RPGRIP1L: variants seen among roughly 807,000 people sequenced by gnomAD.
RPGRIP1L encodes the protein protein fantom.
A neutral mutation model predicts 160.4 loss-of-function variants in RPGRIP1L; 131 were observed. That is an observed-to-expected ratio of 0.82 (90% CI 0.71 to 0.94). RPGRIP1L has a LOEUF of 0.94. Ranked by LOEUF, RPGRIP1L falls within the 40% of genes least tolerant of loss-of-function variation. RPGRIP1L has a pLI of 0.00. For missense variants in RPGRIP1L, 1,522 were observed against 1,535.8 expected (o/e 0.99, Z 0.15); for synonymous variants, 510 against 515.8 (o/e 0.99, Z 0.15).
intron 2 of RPGRIP1L, among the ~76,000 whole-genome samples, chr16:53,700,155 AACT>A (rs1247150829): frequency 6.6e-6 from 1 of 152,238 alleles, no homozygotes; most frequent in Non-Finnish European, 1.5e-5. Flanking sequence ...GCTCTACAGC[AACT>A]ACTAAGTGAT....
intron 14 of RPGRIP1L, chr16:53,653,337 C>T (rs1966955540): frequency 1.8e-6 from 2 of 1,091,632 alleles, no homozygotes; most frequent in Non-Finnish European, 2.2e-6. Flanking sequence ...TGTCTTCACT[C>T]CTATAAAGTC....
At chr16:53,615,177 C>T (rs557277599) in intron 24 of RPGRIP1L, among the ~76,000 whole-genome samples, 61 of 152,246 alleles carry the variant, frequency 4.0e-4, no homozygotes, top group Non-Finnish European at 8.5e-4. Flanking sequence ...TCCCTAGAGG[C>T]TAAGGGTCCA....
In RPGRIP1L at chr16:53,700,285, T is replaced by G. The variant is rs529432142; in HGVS notation, c.85+354A>C. On this transcript the variant is annotated intron_variant, in intron 2 of 26. Coordinates refer to ENST00000647211, the MANE Select transcript of RPGRIP1L (RefSeq NM_015272.5). ...ATACGGCCTTTCCTCCCATATAAAA[T>G]TTAAACACAAAGAAATGTTTTAACA... Among the ~76,000 whole-genome samples, 3 of 152,318 alleles carry G rather than the reference T, an allele frequency of 2.0e-5. No individual in the cohort carries two copies. The South Asian group carries it at 6.2e-4, about 32-fold the overall frequency.
At chr16:53,641,992 T>G (rs1357367412) in intron 17 of RPGRIP1L, among the ~76,000 whole-genome samples, 2 of 152,062 alleles carry the variant, frequency 1.3e-5, no homozygotes, top group Non-Finnish European at 2.9e-5. Flanking sequence ...AAATATATTT[T>G]GTTGGGATTT....
rs1970696769 is a variant in RPGRIP1L at position 53,695,628 on chromosome 16, A to G, written c.230+523T>C. ...GCCAAGATTTTTTGCACATAAATCA[A>G]AAGTGACAATACTGTTTCTTCAGAA... On this transcript the variant is annotated intron_variant, in intron 3 of 26. Coordinates refer to ENST00000647211, the MANE Select transcript of RPGRIP1L (RefSeq NM_015272.5). The G allele has an allele frequency of 4.5e-5, 26 of 581,102 alleles. No homozygotes were observed. The South Asian group carries it at 5.0e-4, about 11-fold the overall frequency. The allele number at this position is 581,102 out of a possible 1,614,324, so 36.0% of individuals were successfully genotyped here.
At chr16:53,687,481 A>G (rs1038952050) in intron 5 of RPGRIP1L, among the ~76,000 whole-genome samples, 1 of 152,084 alleles carries the variant, frequency 6.6e-6, no homozygotes, top group East Asian at 1.9e-4. Flanking sequence ...CCACTCCCCA[A>G]TTCTTTATTT....
At chr16:53,603,142 C>T (rs12444460) in intron 26 of RPGRIP1L, among the ~76,000 whole-genome samples, 7,761 of 152,224 alleles carry the variant, frequency 0.051, 398 homozygotes, top group East Asian at 0.3. Context: ...CACCCAGCCC[C>T]GAAGGTAGAC....
chr16:53,682,554 G>A (rs1969687356), intron 6 of RPGRIP1L, among the ~76,000 whole-genome samples: 1 of 151,598 alleles, frequency 6.6e-6, no homozygotes, highest in Non-Finnish European at 1.5e-5. Context: ...GGCCAATACA[G>A]TGTCCACCTT....
At chr16:53,626,121 C>T in intron 22 of RPGRIP1L, among the ~76,000 whole-genome samples, 1 of 52,914 alleles carries the variant, frequency 1.9e-5, no homozygotes, top group East Asian at 5.2e-4. Flanking sequence ...CTCCGAGAAA[C>T]AACCAAGAAT....
chr16:53,690,314 G>T (rs1276348218), intron 4 of RPGRIP1L, among the ~76,000 whole-genome samples: 1 of 151,788 alleles, frequency 6.6e-6, no homozygotes. Flanking sequence ...CTCCTGCCTC[G>T]GCTTCCCAAG....
rs574635809 is a variant in RPGRIP1L at position 53,648,950 on chromosome 16, C to G, written c.2304+14G>C. Reference sequence around the variant, plus strand: ...TCTATGTCATAAAAGGGTCTTAAAGCCAAATGAGCTTACCGACTGCATATG... The same window carrying G: ...TCTATGTCATAAAAGGGTCTTAAAGGCAAATGAGCTTACCGACTGCATATG... On this transcript the variant is annotated intron_variant, in intron 16 of 26. Transcript: ENST00000647211. 2.5e-5 allele frequency: 41 copies of G among 1,611,702 alleles called. No homozygotes were observed. Among genetic ancestry groups the G allele is most frequent in the Non-Finnish European group, 3.4e-5 (40 of 1,178,012 alleles).
rs143990876 is a variant in RPGRIP1L, at chr16:53,681,765, G to A, written c.776+4668C>T. 6.5e-3 allele frequency among the ~76,000 whole-genome samples: 995 copies of A among 152,294 alleles called. 15 individuals are homozygous for A. Among genetic ancestry groups the A allele is most frequent in the African/African-American group, 0.022 (908 of 41,558 alleles). On this transcript the variant is annotated intron_variant, in intron 6 of 26. Transcript: ENST00000647211. ...GTCTATTAAACACATACTATGAAGAGTTTCTGTAATATTCTATGAAAAGGC... is the reference window on the plus strand; with the variant it reads ...GTCTATTAAACACATACTATGAAGAATTTCTGTAATATTCTATGAAAAGGC...
chr16:53,664,583 C>T (rs1461986452), intron 10 of RPGRIP1L, among the ~76,000 whole-genome samples: 1 of 152,132 alleles, frequency 6.6e-6, no homozygotes, highest in Non-Finnish European at 1.5e-5. Context: ...ATAAATACTT[C>T]TCAACTGTTG....
intron 24 of RPGRIP1L, among the ~76,000 whole-genome samples, chr16:53,612,404 T>A (rs1036083759): frequency 1.3e-5 from 2 of 152,088 alleles, no homozygotes; most frequent in East Asian, 1.9e-4. Flanking sequence ...CAAAAAGTCA[T>A]GCTAACAGAT....
chr16:53,700,930 A>C (rs542778638), intron 1 of RPGRIP1L, among the ~76,000 whole-genome samples, 200 bp from the exon 2 acceptor site: 82 of 152,322 alleles, frequency 5.4e-4, no homozygotes, highest in African/African-American at 1.8e-3. Flanking sequence ...TCCTTTCAAC[A>C]GTGTATTTCC....
At chr16:53,627,581 C>T (rs76201063) in intron 22 of RPGRIP1L, among the ~76,000 whole-genome samples, 301 of 152,250 alleles carry the variant, frequency 2.0e-3, no homozygotes, top group African/African-American at 7.1e-3. Context: ...CCATGGTTAC[C>T]ACTATCTTGA....
intron 21 of RPGRIP1L, 48 bp downstream of exon 21, chr16:53,637,642 TAAAAC>T (rs1442654172): frequency 1.3e-6 from 2 of 1,535,624 alleles, no homozygotes; most frequent in Non-Finnish European, 8.9e-7. Flanking sequence ...CTCTAACAGA[TAAAAC>T]AAAGCACAGG....
At chr16:53,662,280 C>T (rs980277061) in intron 10 of RPGRIP1L, among the ~76,000 whole-genome samples, 13 of 152,122 alleles carry the variant, frequency 8.5e-5, no homozygotes, top group African/African-American at 2.9e-4. Context: ...CTGAATTATG[C>T]ATTTCAGCTA....
intron 2 of RPGRIP1L, among the ~76,000 whole-genome samples, chr16:53,698,377 C>G (rs556603133): frequency 7.8e-6 from 1 of 128,558 alleles, no homozygotes; most frequent in Non-Finnish European, 1.5e-5. Flanking sequence ...GGGGGGTCAG[C>G]CCCCCGCCCG....
Sources: gnomAD v4.1 joint callset for allele counts (sites outside exome capture counted in the v4.1 genomes callset) on GRCh38, gnomAD v4.1.1 for gene constraint, MANE v1.5 for transcripts, NCBI Gene and HGNC (gene_info 2026-07-23, HGNC 2026-07-21) for gene names.